Variants in TDRD5 observed in about 807,000 individuals in gnomAD.
TDRD5 encodes tudor domain containing 5, also known as tudor domain-containing protein 5.
In TDRD5, 41 loss-of-function variants were observed where a neutral mutation model predicts 120.6. That is an observed-to-expected ratio of 0.34 (90% CI 0.26 to 0.44). TDRD5 has a LOEUF of 0.44. Among genes scored for constraint, TDRD5 ranks in the 20% least tolerant of loss-of-function variants. The pLI is 1.00. For synonymous variants in TDRD5, 430 were observed against 433.7 expected, an observed-to-expected ratio of 0.99 and a Z score of 0.11; for missense variants, 1,006 against 1,221.2, an observed-to-expected ratio of 0.82 and a Z score of 2.63.
At chr1:179,670,983 T>A (rs1679827770) in intron 17 of TDRD5, among the ~76,000 whole-genome samples, 1 of 152,220 alleles carries the variant, frequency 6.6e-6, no homozygotes, top group East Asian at 1.9e-4. Flanking sequence ...TTATAAAATT[T>A]TTGTAGTTTT....
At chr1:179,681,500 T>C (rs923289441) in intron 17 of TDRD5, among the ~76,000 whole-genome samples, 4 of 152,206 alleles carry the variant, frequency 2.6e-5, no homozygotes, top group African/African-American at 9.7e-5. Flanking sequence ...ATGAGAAATG[T>C]CTTTTATGTT....
chr1:179,599,009 GC>G (rs1367200122), intron 4 of TDRD5, among the ~76,000 whole-genome samples: 5 of 152,004 alleles, frequency 3.3e-5, no homozygotes. Context: ...CTTTTTAGAT[GC>G]CTTTTATCAG....
At chr1:179,608,833 T>C (rs1426830029) in intron 4 of TDRD5, among the ~76,000 whole-genome samples, 3 of 152,090 alleles carry the variant, frequency 2.0e-5, no homozygotes, top group African/African-American at 7.2e-5. Context: ...ATTGTGAATA[T>C]TTCATTGTTG....
intron 4 of TDRD5, among the ~76,000 whole-genome samples, chr1:179,606,210 A>G (rs4652426): frequency 0.26 from 28,930 of 112,072 alleles, 3,717 homozygotes; most frequent in Non-Finnish European, 0.38. Context: ...ACATCTTTTC[A>G]TATGCTTACT....
chr1:179,617,711 G>A (rs1676634036), intron 4 of TDRD5, among the ~76,000 whole-genome samples: 1 of 151,734 alleles, frequency 6.6e-6, no homozygotes, highest in Admixed American at 6.6e-5. Context: ...CTCCTGCTGT[G>A]GCTGTTCACT....
chr1:179,630,727 T>C (rs1465865589), intron 6 of TDRD5, 40 bp from the exon 7 acceptor site: 2 of 1,597,876 alleles, frequency 1.3e-6, no homozygotes, highest in South Asian at 1.1e-5. Context: ...ATATCTGTTA[T>C]CTAATGCTGT....
intron 17 of TDRD5, among the ~76,000 whole-genome samples, chr1:179,678,907 T>C (rs976858429): frequency 2.6e-5 from 4 of 152,338 alleles, no homozygotes; most frequent in East Asian, 1.9e-4. Flanking sequence ...TAGAGTTGAA[T>C]AGGAGAGGCC....
At position 179,654,317 on chromosome 1, in the gene TDRD5, A is replaced by G; in HGVS notation, c.2277A>G (p.Pro759=). ...GTAATAAGAGCTTTGAAGAAGATCC[A>G]AAGTGGTCCAACCCAGAACCAAACG... is the stretch of plus-strand genomic sequence containing the variant. ...KTCNKSFEED[P]KWSNPEPNDL... Residue 759 remains proline, a synonymous_variant, in exon 14 of 18, where the codon CCA becomes CCG. Transcript: ENST00000444136. 1 of 1,549,632 alleles carries G rather than the reference A, an allele frequency of 6.5e-7. No homozygotes were observed. The highest frequency in any genetic ancestry group is 8.7e-7 in the Non-Finnish European group (1 of 1,146,462).
intron 6 of TDRD5, among the ~76,000 whole-genome samples, chr1:179,626,228 G>GA (rs1353187885): frequency 2.1e-5 from 3 of 145,340 alleles, no homozygotes; most frequent in Admixed American, 1.4e-4. Context: ...ATAATAAAAA[G>GA]AAAAAAAAGA....
chr1:179,675,862 ATATCTGT>A (rs1434972551), intron 17 of TDRD5, among the ~76,000 whole-genome samples: 1 of 152,190 alleles, frequency 6.6e-6, no homozygotes, highest in African/African-American at 2.4e-5. Flanking sequence ...TGTTCTATAA[ATATCTGT>A]TAAATCCATT....
chr1:179,605,695 A>G (rs1231623326), intron 4 of TDRD5, among the ~76,000 whole-genome samples: 1 of 152,062 alleles, frequency 6.6e-6, no homozygotes, highest in African/African-American at 2.4e-5. Context: ...TTTTCCAGAG[A>G]GTCATATAGT....
At chr1:179,600,832 A>G (rs367898759) in intron 4 of TDRD5, among the ~76,000 whole-genome samples, 8 of 152,216 alleles carry the variant, frequency 5.3e-5, no homozygotes, top group African/African-American at 1.9e-4. Flanking sequence ...AGGAAAACTC[A>G]TTTTCAGGTC....
At position 179,592,683 on chromosome 1, in the gene TDRD5, A is replaced by C. The variant is rs1259064214; in HGVS notation, c.68A>C (p.Lys23Thr). The C allele has an allele frequency of 1.2e-6, 2 of 1,614,086 alleles. No individual in the cohort carries two copies. Among genetic ancestry groups the C allele is most frequent in the Non-Finnish European group, 1.7e-6 (2 of 1,180,012 alleles). The change falls in exon 2 of 18, where the codon AAA becomes ACA. Residue 23 changes from lysine to threonine, a missense_variant. Coordinates refer to ENST00000444136, the MANE Select transcript of TDRD5 (RefSeq NM_001199085.3). ...ATAAGGTCACTTCTCATTTCCACCA[A>C]AGATGGTTTGAGCCCACAGGAGTTG... ...KEIRSLLIST[K>T]DGLSPQELEK...
chr1:179,643,371 A>G (rs574000977), intron 11 of TDRD5, among the ~76,000 whole-genome samples: 2 of 152,334 alleles, frequency 1.3e-5, no homozygotes, highest in East Asian at 3.9e-4. Context: ...GGAAAAACGT[A>G]GTTGGTAGAA....
rs1558413270 is a variant in TDRD5, at chr1:179,659,572, TGTG to T, written c.2323-2531_2323-2529del. On this transcript the variant is annotated intron_variant, in intron 14 of 17. Coordinates refer to ENST00000444136, the MANE Select transcript of TDRD5 (RefSeq NM_001199085.3). Reference sequence around the variant, plus strand: ...TTTCGTGTGTGTGTGTGTGTGTGTGTGTGTGTGTGTGTGTGTGTGCGCGCGCTT... The same window carrying T: ...TTTCGTGTGTGTGTGTGTGTGTGTGTTGTGTGTGTGTGTGTGCGCGCGCTT... Among the ~76,000 whole-genome samples the T allele has an allele frequency of 5.6e-5, 8 of 141,594 alleles. No individual in the cohort carries two copies. In the Admixed American group the frequency reaches 6.0e-4, roughly 11 times the overall value. The allele number at this position is 141,594 out of a possible 152,430, so 92.9% of individuals were successfully genotyped here. A position where few individuals can be genotyped will look rare whatever the true frequency, so the allele number is the denominator to read the frequency against.
Position 179,592,847 on chromosome 1 carries a change from G to A in TDRD5, c.232G>A (p.Ala78Thr). 1 of 1,613,754 alleles carries A rather than the reference G, an allele frequency of 6.2e-7. No homozygotes were observed. Among genetic ancestry groups the A allele is most frequent in the Non-Finnish European group, 8.5e-7 (1 of 1,179,804 alleles). ...PGAGGTVILK[A>T]IPDESTKGIA... is the part of the protein sequence containing the mutation. ...TGCAGGTGGTACTGTAATACTGAAA[G>A]GTAGGTTTAAGATTTTTGAAGGTCT... The change falls in exon 2 of 18, where the codon GCC (alanine) becomes ACC (threonine). Residue 78 changes from alanine to threonine, a missense_variant and splice_region_variant. Around this residue, in one of 3 missense-constraint regions of TDRD5, gnomAD observed 445 missense variants for 515.5 expected, o/e 0.86. Transcript: ENST00000444136.
At chr1:179,626,593 T>TG in intron 6 of TDRD5, among the ~76,000 whole-genome samples, 1 of 152,270 alleles carries the variant, frequency 6.6e-6, no homozygotes, top group African/African-American at 2.4e-5. Flanking sequence ...TGGCCTATTT[T>TG]GGGGTAAAGG....
chr1:179,654,331 C>T lies in TDRD5; in HGVS notation c.2291C>T (p.Pro764Leu). The stretch of plus-strand genomic sequence containing the variant: ...GAAGAAGATCCAAAGTGGTCCAACC[C>T]AGAACCAAACGATCTGAAGGAAGAA... The part of the protein sequence containing the change: ...SFEEDPKWSN[P>L]EPNDLKEENE... Residue 764 changes from proline (P) to leucine (L), a missense_variant, in exon 14 of 18, where the codon CCA (proline) becomes CTA (leucine). Pro to Leu is a moderately conservative substitution (Grantham distance 98, BLOSUM62 -3). Coordinates refer to ENST00000444136, the MANE Select transcript of TDRD5 (RefSeq NM_001199085.3). 1 of 1,539,230 alleles carries T rather than the reference C, an allele frequency of 6.5e-7. No individual in the cohort carries two copies. Among genetic ancestry groups the T allele is most frequent in the Non-Finnish European group, 8.8e-7 (1 of 1,142,508 alleles).
intron 16 of TDRD5, among the ~76,000 whole-genome samples, chr1:179,665,238 A>G (rs973250305): frequency 1.3e-5 from 2 of 152,168 alleles, no homozygotes; most frequent in African/African-American, 4.8e-5. Flanking sequence ...ATTGCAGCAC[A>G]AAAGTTTGTT....
Sources: allele counts gnomAD v4.1 joint callset (sites outside exome capture counted in the v4.1 genomes callset), GRCh38; gene constraint gnomAD v4.1.1; regional missense constraint gnomAD v4.1.1; transcripts MANE v1.5; gene names NCBI Gene and HGNC (gene_info 2026-07-23, HGNC 2026-07-21).